Variants in VPS13D observed in about 807,000 individuals in gnomAD.
VPS13D encodes vacuolar protein sorting 13 homolog D, also known as intermembrane lipid transfer protein VPS13D.
In VPS13D, 187 loss-of-function variants were observed where a neutral mutation model predicts 461.9. The ratio of observed to expected loss-of-function variants is 0.40; its 90% CI spans 0.36 to 0.46. The LOEUF (loss-of-function observed/expected upper bound fraction) is 0.46, where lower values mean the gene tolerates loss of function less well. Ranked by LOEUF, VPS13D falls within the 20% of genes least tolerant of loss-of-function variation. VPS13D has a pLI of 0.60. For synonymous variants in VPS13D, 1,951 were observed against 1,986.3 expected, an observed-to-expected ratio of 0.98 and a Z score of 0.47; for missense variants, 4,711 against 5,364.9, an observed-to-expected ratio of 0.88 and a Z score of 3.81.
At chr1:12,361,058 G>A (rs780076370) in intron 50 of VPS13D, among the ~76,000 whole-genome samples, 1 of 152,128 alleles carries the variant, frequency 6.6e-6, no homozygotes, top group Non-Finnish European at 1.5e-5. Flanking sequence ...TACTAGCTGC[G>A]TGACATAGAG....
chr1:12,337,990 A>G (rs1278851166), intron 39 of VPS13D: 9 of 186,224 alleles, frequency 4.8e-5, no homozygotes, highest in East Asian at 8.1e-5. Context: ...TAATTCAGGA[A>G]AAAAAAAAAA....
At chr1:12,488,533 T>C (rs747839976) in intron 67 of VPS13D, among the ~76,000 whole-genome samples, 26 of 144,046 alleles carry the variant, frequency 1.8e-4, no homozygotes, top group Non-Finnish European at 3.4e-4. Flanking sequence ...AGAAGGTAGA[T>C]AATATATAAA....
chr1:12,366,193 G>A (rs1177687013), intron 52 of VPS13D, among the ~76,000 whole-genome samples: 1 of 152,172 alleles, frequency 6.6e-6, no homozygotes, highest in Non-Finnish European at 1.5e-5. Flanking sequence ...ATAGGTGTGA[G>A]CCACCATACC....
intron 30 of VPS13D, among the ~76,000 whole-genome samples, chr1:12,317,661 C>T (rs535090284): frequency 1.8e-4 from 27 of 152,122 alleles, no homozygotes; most frequent in African/African-American, 5.1e-4. Flanking sequence ...GGGAGGATCA[C>T]TTGATCCCAG....
At chr1:12,501,514 GA>G (rs1201082243) in intron 68 of VPS13D, among the ~76,000 whole-genome samples, 1 of 152,228 alleles carries the variant, frequency 6.6e-6, no homozygotes, top group Non-Finnish European at 1.5e-5. Flanking sequence ...GGAGTTCTAA[GA>G]GAAGTTTTCA....
At chr1:12,312,911 T>C (rs1642794403) in intron 29 of VPS13D, among the ~76,000 whole-genome samples, 1 of 152,246 alleles carries the variant, frequency 6.6e-6, no homozygotes, top group Admixed American at 6.5e-5. Flanking sequence ...GGCATATGCT[T>C]ACCTAGTCCT....
chr1:12,452,451 C>T (rs2100385305), intron 65 of VPS13D, among the ~76,000 whole-genome samples: 1 of 152,338 alleles, frequency 6.6e-6, no homozygotes, highest in East Asian at 1.9e-4. Context: ...AAGAGCAAGG[C>T]CAGAGGGCAC....
chr1:12,346,521 T>C, intron 43 of VPS13D, 84 bp from the exon 44 acceptor site: 1 of 1,430,850 alleles, frequency 7.0e-7, no homozygotes, highest in Non-Finnish European at 9.7e-7. Flanking sequence ...CACGACCCTT[T>C]GAAGAAAATT....
intron 57 of VPS13D, among the ~76,000 whole-genome samples, chr1:12,380,275 A>G (rs577069641): frequency 6.6e-6 from 1 of 152,408 alleles, no homozygotes; most frequent in East Asian, 1.9e-4. Flanking sequence ...TGTAATTTTA[A>G]AAGTCCAGCA....
chr1:12,345,635 G>GGTCA, intron 43 of VPS13D, 126 bp downstream of exon 43: 1 of 1,311,142 alleles, frequency 7.6e-7, no homozygotes, highest in East Asian at 2.4e-5. Flanking sequence ...GGACTGACTG[G>GGTCA]GTCAGTCATA....
In VPS13D at chr1:12,308,413, TTCCTTGGG is replaced by T. The variant is rs1340915816; in HGVS notation, c.6440-11_6440-4del. The stretch of plus-strand genomic sequence containing the variant: ...GTCCCCTTTTCTTCATTACCTCTCT[TTCCTTGGG>T]TCCTTGTAGAAGACCATGTCTGCCT... On this transcript the variant is annotated splice_polypyrimidine_tract_variant and intron_variant, in intron 26 of 69. Transcript: ENST00000620676. The T allele has an allele frequency of 1.7e-5, 28 of 1,613,864 alleles. No homozygotes were observed. The highest frequency in any genetic ancestry group is 2.0e-5 in the Non-Finnish European group (24 of 1,179,930).
intron 65 of VPS13D, among the ~76,000 whole-genome samples, chr1:12,424,268 C>T (rs980702714): frequency 1.3e-5 from 2 of 152,266 alleles, no homozygotes; most frequent in South Asian, 2.1e-4. Flanking sequence ...GAGGTACCTT[C>T]GAGTTGTTGT....
intron 62 of VPS13D, among the ~76,000 whole-genome samples, chr1:12,402,341 G>A (rs1025119820): frequency 2.0e-5 from 3 of 152,106 alleles, no homozygotes; most frequent in Admixed American, 6.5e-5. Context: ...CTTTCCTTCC[G>A]CTCTTAGATG....
Position 12,283,777 on chromosome 1 carries a change from G to A in VPS13D, c.5634+41G>A, listed in dbSNP as rs184591492. The A allele has an allele frequency of 1.7e-3, 2,674 of 1,543,316 alleles. 11 individuals are homozygous for A. The highest frequency in any genetic ancestry group is 3.0e-3 in the Middle Eastern group (17 of 5,598). ...TTTGGCTCCCTTAAGCTCTAAAAATGGATTTGGGCTTGTTGATTTAAATAC... is the reference window on the plus strand; with the variant it reads ...TTTGGCTCCCTTAAGCTCTAAAAATAGATTTGGGCTTGTTGATTTAAATAC... On this transcript the variant is annotated intron_variant, in intron 21 of 69. Coordinates refer to ENST00000620676, the MANE Select transcript of VPS13D (RefSeq NM_015378.4).
chr1:12,262,998 T>C (rs1399237222), intron 13 of VPS13D, among the ~76,000 whole-genome samples: 1 of 152,082 alleles, frequency 6.6e-6, no homozygotes, highest in East Asian at 1.9e-4. Flanking sequence ...GCCATTGCGC[T>C]CAGCTGATTT....
intron 63 of VPS13D, among the ~76,000 whole-genome samples, chr1:12,405,308 C>T (rs549514926): frequency 6.6e-6 from 1 of 152,320 alleles, no homozygotes; most frequent in Admixed American, 6.5e-5. Flanking sequence ...TAAACATTGG[C>T]AACCAATTCA....
chr1:12,437,825 G>T (rs1477059790), intron 65 of VPS13D, among the ~76,000 whole-genome samples: 1 of 152,124 alleles, frequency 6.6e-6, no homozygotes, highest in Non-Finnish European at 1.5e-5. Context: ...GAACCTTTGA[G>T]CCCTGATGTT....
chr1:12,444,034 A>G (rs1380629712), intron 65 of VPS13D, among the ~76,000 whole-genome samples: 1 of 151,948 alleles, frequency 6.6e-6, no homozygotes, highest in East Asian at 1.9e-4. Context: ...TTTTAGAGAC[A>G]GGGTTTCACC....
chr1:12,501,305 A>G (rs991004740), intron 68 of VPS13D, among the ~76,000 whole-genome samples: 1 of 152,174 alleles, frequency 6.6e-6, no homozygotes, highest in Non-Finnish European at 1.5e-5. Context: ...AGGACTATAT[A>G]TGTTTCATTC....
Sources: allele counts gnomAD v4.1 joint callset (sites outside exome capture counted in the v4.1 genomes callset), GRCh38; gene constraint gnomAD v4.1.1; transcripts MANE v1.5; gene names NCBI Gene and HGNC (gene_info 2026-07-23, HGNC 2026-07-21).